Variants in PATZ1 observed in about 807,000 individuals in gnomAD.
PATZ1 encodes POZ-, AT hook-, and zinc finger-containing protein 1.
Under a neutral mutation model 46.2 loss-of-function variants are expected in PATZ1, and 9 were observed. The observed-to-expected ratio is 0.19, with a 90% confidence interval of 0.12 to 0.34. The LOEUF is 0.34. Among genes scored for constraint, PATZ1 ranks in the 10% least tolerant of loss-of-function variants. The pLI, the probability that PATZ1 is intolerant of heterozygous loss-of-function variation, is 1.00. For synonymous variants in PATZ1, 426 were observed against 378.6 expected, an observed-to-expected ratio of 1.13 and a Z score of -1.45; for missense variants, 632 against 923.0, an observed-to-expected ratio of 0.68 and a Z score of 4.08.
In PATZ1 at chr22:31,326,284, G is replaced by A. The variant is rs530789421; in HGVS notation, c.*607C>T. The stretch of plus-strand genomic sequence containing the variant: ...GTCCTCAACAGCTGAGCTTGTCCTA[G>A]CAGTGAAAATGCTCGCCTCCAAGCA... On this transcript the variant is annotated 3_prime_UTR_variant, in exon 5 of 5. Transcript: ENST00000266269. The A allele has an allele frequency of 8.7e-6, 2 of 229,572 alleles. No individual in the cohort carries two copies. The highest frequency in any genetic ancestry group is 1.8e-4 in the South Asian group (1 of 5,500). 14.2% of individuals were successfully genotyped at this position (229,572 alleles called of 1,614,324 possible).
chr22:31,340,076 T>C (rs151060641), intron 2 of PATZ1, among the ~76,000 whole-genome samples: 1 of 151,876 alleles, frequency 6.6e-6, no homozygotes, highest in African/African-American at 2.4e-5. Context: ...GCTAGGGAGG[T>C]CTGAGCTGCT....
chr22:31,327,010 G>A lies in PATZ1; in HGVS notation c.1945C>T (p.Pro649Ser). The A allele has an allele frequency of 2.5e-6, 4 of 1,614,242 alleles. No homozygotes were observed. The highest frequency in any genetic ancestry group is 1.6e-4 in the Middle Eastern group (1 of 6,062). ...TCGAGGAGAGACATGTTCTGCTGAG[G>A]AGAGAAAGGTGAGCCAAGGGCAGGG... ...LGPALGSPFS[P>S]QQNMSLLESF... The change falls in exon 5 of 5, where the codon CCT becomes TCT. Residue 649 changes from proline to serine, a missense_variant. Pro to Ser is a moderately conservative substitution (Grantham distance 74, BLOSUM62 -1). Around this residue, in one of 7 missense-constraint regions of PATZ1, gnomAD observed 176 missense variants for 249.4 expected, o/e 0.71. Transcript: ENST00000266269. This position sits in a 1 kb window ranked among gnomAD's most constrained non-coding sequence, Gnocchi z 4.2.
chr22:31,333,280 C>T (rs759186667), intron 3 of PATZ1, among the ~76,000 whole-genome samples: 1 of 152,160 alleles, frequency 6.6e-6, no homozygotes. Context: ...GGAAGTTCAC[C>T]TGATTCAATC....
At chr22:31,343,356 C>T (rs2049607289) in intron 1 of PATZ1, 1 of 990,466 alleles carries the variant, frequency 1.0e-6, no homozygotes, top group Admixed American at 6.1e-5. Flanking sequence ...ACTCAGCAAT[C>T]CCCTCCCCCA....
At position 31,344,618 on chromosome 22, in the gene PATZ1, G is replaced by A; in HGVS notation, c.985C>T (p.Pro329Ser). 2 of 1,614,138 alleles carry A rather than the reference G, an allele frequency of 1.2e-6. No homozygotes were observed. The highest frequency in any genetic ancestry group is 1.7e-6 in the Non-Finnish European group (2 of 1,180,046). The change falls in exon 1 of 5, where the codon CCG becomes TCG. Residue 329 changes from proline (P) to serine (S), a missense_variant. Coordinates refer to ENST00000266269, the MANE Select transcript of PATZ1 (RefSeq NM_014323.3). ...GGTAGCCCATTCTCACCCAGCCTCG[G>A]AGGAGGAAGGTCGATGTAGCCCAGC... ...LQLGYIDLPP[P>S]RLGENGLPIS...
At chr22:31,336,386 G>A (rs1259577650) in intron 2 of PATZ1, among the ~76,000 whole-genome samples, 2 of 152,152 alleles carry the variant, frequency 1.3e-5, no homozygotes, top group Non-Finnish European at 2.9e-5. Context: ...GGAAAGGCAG[G>A]ACAAAGTGCA....
intron 2 of PATZ1, chr22:31,341,220 C>T: frequency 7.5e-7 from 1 of 1,335,274 alleles, no homozygotes; most frequent in African/African-American, 1.5e-5. Flanking sequence ...TAGGGGGTTC[C>T]AGAAAGGTGC....
intron 2 of PATZ1, chr22:31,341,777 C>G: frequency 9.7e-7 from 1 of 1,027,368 alleles, no homozygotes; most frequent in Non-Finnish European, 1.4e-6. Flanking sequence ...CCGGGCTAAT[C>G]AGCACACTAC....
Position 31,326,582 on chromosome 22 carries a change from A to G in PATZ1, c.*309T>C. The stretch of plus-strand genomic sequence containing the variant: ...GGATTGGGGTCACTAAGAATTGAGC[A>G]CCAGGAATTCCAGCTTCTTCCCATT... On this transcript the variant is annotated 3_prime_UTR_variant, in exon 5 of 5. Coordinates refer to ENST00000266269, the MANE Select transcript of PATZ1 (RefSeq NM_014323.3). The G allele has an allele frequency of 2.9e-6, 1 of 339,646 alleles. No individual in the cohort carries two copies. Among genetic ancestry groups the G allele is most frequent in the Non-Finnish European group, 5.4e-6 (1 of 185,362 alleles). The allele number at this position is 339,646 out of a possible 1,614,324, so 21.0% of individuals were successfully genotyped here. A position where few individuals can be genotyped will look rare whatever the true frequency, so the allele number is the denominator to read the frequency against.
In PATZ1 at chr22:31,345,746, G is replaced by A. The variant is rs2049647165; in HGVS notation, c.-144C>T. 3.8e-6 allele frequency: 3 copies of A among 784,660 alleles called. No homozygotes were observed. Among genetic ancestry groups the A allele is most frequent in the Non-Finnish European group, 3.9e-6 (2 of 509,294 alleles). The allele number at this position is 784,660 out of a possible 1,614,324, so 48.6% of individuals were successfully genotyped here. ...GGCTCTGTAGTCTCGCAGGTGCGCC[G>A]AGTGTACACGCCCCCAGCCCGGATC... On this transcript the variant is annotated 5_prime_UTR_variant, in exon 1 of 5. Coordinates refer to ENST00000266269, the MANE Select transcript of PATZ1 (RefSeq NM_014323.3). This position sits in a 1 kb window ranked among gnomAD's most constrained non-coding sequence, Gnocchi z 7.4.
intron 2 of PATZ1, chr22:31,337,928 C>G (rs907220468): frequency 4.6e-5 from 7 of 152,376 alleles, no homozygotes; most frequent in African/African-American, 1.7e-4. Context: ...CCACTGTTTA[C>G]TACCCCAGTC....
At chr22:31,333,884 C>G (rs1404138470) in intron 3 of PATZ1, among the ~76,000 whole-genome samples, 1 of 152,204 alleles carries the variant, frequency 6.6e-6, no homozygotes, top group Non-Finnish European at 1.5e-5. Context: ...TTCCCACTGT[C>G]CCTGCTGCTC....
chr22:31,331,379 G>A (rs560893172), intron 3 of PATZ1, among the ~76,000 whole-genome samples: 4 of 143,100 alleles, frequency 2.8e-5, no homozygotes, highest in East Asian at 4.0e-4. Flanking sequence ...TCTCACTCTC[G>A]CTCAGGCTGG....
Position 31,328,633 on chromosome 22 carries a change from G to A in PATZ1, c.1645+154C>T, listed in dbSNP as rs1569023301. On this transcript the variant is annotated intron_variant, in intron 4 of 4. Transcript: ENST00000266269. The surrounding 1 kb of genome is among the most constrained non-coding windows in gnomAD (Gnocchi z 4.8). ...TGCCCTGGAGTGAGATACCCACTGT[G>A]ACTTTTGTCCTGGAGGCCACTGCCA... Among the ~76,000 whole-genome samples, 1 of 152,192 alleles carries A rather than the reference G, an allele frequency of 6.6e-6. No individual in the cohort carries two copies. The highest frequency in any genetic ancestry group is 1.5e-5 in the Non-Finnish European group (1 of 68,036).
chr22:31,343,974 C>A (rs1444347252), intron 1 of PATZ1, among the ~76,000 whole-genome samples: 1 of 152,140 alleles, frequency 6.6e-6, no homozygotes, highest in Admixed American at 6.5e-5. Context: ...GCGGGGAAGT[C>A]GCTGGAGGAG....
intron 1 of PATZ1, chr22:31,343,422 G>C: frequency 1.0e-6 from 1 of 987,694 alleles, no homozygotes; most frequent in East Asian, 1.1e-4. Context: ...TCAGTCCCCA[G>C]AGGCCAGCAG....
intron 3 of PATZ1, 109 bp downstream of exon 3, chr22:31,335,583 G>A: frequency 2.1e-6 from 2 of 968,648 alleles, no homozygotes; most frequent in Middle Eastern, 3.3e-4. Flanking sequence ...GAAGTAGGGG[G>A]TGGCTGTGCA....
intron 2 of PATZ1, chr22:31,337,590 G>A: frequency 6.6e-6 from 1 of 152,296 alleles, no homozygotes. Context: ...AAGCTATTTT[G>A]GTTCCAGGGA....
In PATZ1 at chr22:31,344,528, T is replaced by C; in HGVS notation, c.1075A>G (p.Ile359Val). ...SRTRKQVACE[I>V]CGKIFRDVYH... ...ACATCACGGAAGATCTTGCCGCAGA[T>C]CTCACAAGCCACCTGCTTCCTGGTC... The change falls in exon 1 of 5, where the codon ATC becomes GTC. Residue 359 changes from isoleucine (I) to valine (V), a missense_variant. Around this residue, in one of 7 missense-constraint regions of PATZ1, gnomAD observed 279 missense variants for 284.3 expected, o/e 0.98. Transcript: ENST00000266269. 6.2e-7 allele frequency: 1 copy of C among 1,614,172 alleles called. No homozygotes were observed. Among genetic ancestry groups the C allele is most frequent in the Non-Finnish European group, 8.5e-7 (1 of 1,180,012 alleles).
Sources: gnomAD v4.1 joint callset for allele counts (sites outside exome capture counted in the v4.1 genomes callset) on GRCh38, gnomAD v4.1.1 for gene constraint, gnomAD v4.1.1 regional missense constraint, Gnocchi (gnomAD v3.1) non-coding constraint, MANE v1.5 for transcripts, NCBI Gene and HGNC (gene_info 2026-07-23, HGNC 2026-07-21) for gene names.